Variants in TIAM2 observed in about 807,000 individuals in gnomAD.
TIAM2 encodes the protein rho guanine nucleotide exchange factor TIAM2.
Under a neutral mutation model 152.9 loss-of-function variants are expected in TIAM2, and 80 were observed. The observed-to-expected ratio is 0.52, with a 90% confidence interval of 0.44 to 0.63. The LOEUF is 0.63. Among genes scored for constraint, TIAM2 ranks in the 30% least tolerant of loss-of-function variants. The probability of loss-of-function intolerance (pLI) is 0.00; values close to 1 mark genes in which losing one functional copy is unlikely to be tolerated. For synonymous variants in TIAM2, 804 were observed against 838.0 expected (o/e 0.96, Z 0.70); for missense variants, 1,965 against 2,120.1 (o/e 0.93, Z 1.44).
intron 1 of TIAM2, among the ~76,000 whole-genome samples, chr6:155,044,072 A>G (rs1562298900): frequency 6.6e-6 from 1 of 152,210 alleles, no homozygotes; most frequent in African/African-American, 2.4e-5. Flanking sequence ...CTTGCCTTAG[A>G]TTATATCCCT....
intron 4 of TIAM2, among the ~76,000 whole-genome samples, chr6:155,133,162 C>T (rs984337912): frequency 1.2e-4 from 19 of 152,192 alleles, no homozygotes; most frequent in African/African-American, 4.3e-4. Flanking sequence ...TGAGACCAAC[C>T]TGGCCAACTT....
At chr6:155,215,399 C>T (rs1414497355) in intron 15 of TIAM2, among the ~76,000 whole-genome samples, 1 of 152,112 alleles carries the variant, frequency 6.6e-6, no homozygotes, top group Non-Finnish European at 1.5e-5. Flanking sequence ...CATCAACGAA[C>T]ACAGAAGAAA....
chr6:155,235,334 G>A (rs1162473263), intron 15 of TIAM2, among the ~76,000 whole-genome samples: 1 of 152,188 alleles, frequency 6.6e-6, no homozygotes, highest in African/African-American at 2.4e-5. Context: ...ACTTAGAATC[G>A]AGACTTGCCC....
At chr6:155,223,185 T>C (rs1782115121) in intron 15 of TIAM2, among the ~76,000 whole-genome samples, 1 of 152,194 alleles carries the variant, frequency 6.6e-6, no homozygotes, top group South Asian at 2.1e-4. Flanking sequence ...CTTTCCCTGT[T>C]AGGAATTTAT....
intron 14 of TIAM2, among the ~76,000 whole-genome samples, chr6:155,203,144 T>G (rs1400947111): frequency 1.3e-5 from 2 of 151,868 alleles, no homozygotes; most frequent in African/African-American, 4.8e-5. Context: ...GCTGTGAGCA[T>G]TAATGCAGAG....
intron 2 of TIAM2, among the ~76,000 whole-genome samples, chr6:155,108,482 G>A (rs761962563): frequency 6.6e-6 from 1 of 152,202 alleles, no homozygotes; most frequent in Non-Finnish European, 1.5e-5. Flanking sequence ...AGAGCTTGTG[G>A]ACAGAAAGTG....
At chr6:155,117,528 C>T (rs925294451) in intron 2 of TIAM2, among the ~76,000 whole-genome samples, 2 of 152,162 alleles carry the variant, frequency 1.3e-5, no homozygotes, top group Non-Finnish European at 1.5e-5. Context: ...CTGCAACCTC[C>T]GCCTCCTGGG....
At chr6:155,125,145 C>T (rs1258680098) in intron 2 of TIAM2, among the ~76,000 whole-genome samples, 4 of 152,080 alleles carry the variant, frequency 2.6e-5, no homozygotes, top group African/African-American at 4.8e-5. Context: ...GTGGCGGGCA[C>T]TTGTAATCCC....
chr6:155,178,371 T>A (rs1033376036), intron 10 of TIAM2, among the ~76,000 whole-genome samples: 1 of 152,150 alleles, frequency 6.6e-6, no homozygotes, highest in Non-Finnish European at 1.5e-5. Flanking sequence ...TTCTGTACTT[T>A]AGTAATGAGA....
intron 10 of TIAM2, among the ~76,000 whole-genome samples, chr6:155,178,639 A>G (rs990019322): frequency 6.6e-6 from 1 of 152,088 alleles, no homozygotes; most frequent in Non-Finnish European, 1.5e-5. Flanking sequence ...CAGTGGTGCT[A>G]CCTCAGCTCA....
chr6:155,083,947 C>T (rs1047849850), intron 1 of TIAM2, among the ~76,000 whole-genome samples: 1 of 152,070 alleles, frequency 6.6e-6, no homozygotes, highest in South Asian at 2.1e-4. Context: ...TTGGCCCAGC[C>T]CTGGAAATCC....
intron 1 of TIAM2, among the ~76,000 whole-genome samples, chr6:155,032,792 C>T (rs534651722): frequency 3.9e-5 from 6 of 152,286 alleles, no homozygotes; most frequent in South Asian, 2.1e-4. Flanking sequence ...CCGCCCACCT[C>T]GGCCTCCCAA....
At chr6:155,152,063 C>T (rs1324405022) in intron 7 of TIAM2, among the ~76,000 whole-genome samples, 3 of 151,924 alleles carry the variant, frequency 2.0e-5, no homozygotes, top group African/African-American at 2.4e-5. Flanking sequence ...AGGCTGGTCT[C>T]GAACTCTGAC....
At chr6:155,126,275 T>A (rs750416951) in intron 2 of TIAM2, among the ~76,000 whole-genome samples, 11 of 152,184 alleles carry the variant, frequency 7.2e-5, no homozygotes, top group Non-Finnish European at 1.6e-4. Context: ...CTCAAATTCA[T>A]AGAGGCAGAA....
chr6:155,020,143 C>T (rs936347272), intron 1 of TIAM2, among the ~76,000 whole-genome samples: 15 of 152,174 alleles, frequency 9.9e-5, no homozygotes, highest in African/African-American at 1.4e-4. Context: ...CATCACTTCC[C>T]GGCTGTGCAG....
intron 1 of TIAM2, among the ~76,000 whole-genome samples, chr6:155,071,558 A>G (rs6931203): frequency 0.12 from 17,817 of 152,264 alleles, 1,141 homozygotes; most frequent in South Asian, 0.19. Flanking sequence ...CCTGCATAGC[A>G]TGGTAAGTGC....
chr6:155,005,618 G>A (rs2498495), intron 1 of TIAM2, among the ~76,000 whole-genome samples: 298 of 151,916 alleles, frequency 2.0e-3, no homozygotes, highest in Non-Finnish European at 3.5e-3. Context: ...GGGATTACAG[G>A]GGTGAGCCAC....
At chr6:155,060,471 C>T (rs1415739769) in intron 1 of TIAM2, among the ~76,000 whole-genome samples, 1 of 152,206 alleles carries the variant, frequency 6.6e-6, no homozygotes, top group African/African-American at 2.4e-5. Context: ...TTTCTTCTCC[C>T]TCAATTACTT....
intron 14 of TIAM2, among the ~76,000 whole-genome samples, chr6:155,200,375 A>T (rs1781448645): frequency 6.6e-6 from 1 of 152,116 alleles, no homozygotes; most frequent in African/African-American, 2.4e-5. Context: ...GTTTCTTTGG[A>T]ACCCTCTTAT....
Sources: allele counts gnomAD v4.1 joint callset (sites outside exome capture counted in the v4.1 genomes callset), GRCh38; gene constraint gnomAD v4.1.1; transcripts MANE v1.5; gene names NCBI Gene and HGNC (gene_info 2026-07-23, HGNC 2026-07-21).